The following FRMD6 variants were observed in gnomAD, a reference collection of about 807,000 sequenced individuals.
The protein encoded by FRMD6 is FERM domain-containing protein 6.
In FRMD6, 37 loss-of-function variants were observed where a neutral mutation model predicts 73.2. That is an observed-to-expected ratio of 0.51 (90% CI 0.39 to 0.66). The LOEUF (loss-of-function observed/expected upper bound fraction) is 0.66, where lower values mean the gene tolerates loss of function less well. FRMD6 is among the 30% of genes least tolerant of loss of function. The pLI, the probability that FRMD6 is intolerant of heterozygous loss-of-function variation, is 0.00. For missense variants in FRMD6, 714 were observed against 780.5 expected (o/e 0.91, Z 1.02); for synonymous variants, 273 against 282.2 (o/e 0.97, Z 0.33).
At chr14:51,657,350 A>G (rs1387692692) in intron 1 of FRMD6, among the ~76,000 whole-genome samples, 3 of 152,234 alleles carry the variant, frequency 2.0e-5, no homozygotes, top group Non-Finnish European at 4.4e-5. Flanking sequence ...ATCAAGAAGC[A>G]GAACATTACC....
In FRMD6 at chr14:51,511,412, A is replaced by T. The variant is rs531120574; in HGVS notation, c.-210+21992A>T. ...ATTCAGGGCAAAGTGATGTATTAGG[A>T]TAACCCATTTCAAATTGTGGGGGTT... On this transcript the variant is annotated intron_variant, in intron 1 of 14. Transcript: ENST00000356218. Among the ~76,000 whole-genome samples, 26 of 152,366 alleles carry T rather than the reference A, an allele frequency of 1.7e-4. No homozygotes were observed. In the South Asian group the frequency reaches 5.2e-3, roughly 30 times the overall value.
At chr14:51,472,425 T>G in the FRMD6 span, among the ~76,000 whole-genome samples, 4 of 152,126 alleles carry the variant, frequency 2.6e-5, no homozygotes, top group African/African-American at 9.7e-5. Context: ...TGCTTCAGCC[T>G]CCCGAGTGGC....
chr14:51,529,073 G>T (rs1416562547), intron 1 of FRMD6, among the ~76,000 whole-genome samples: 2 of 152,200 alleles, frequency 1.3e-5, no homozygotes, highest in Non-Finnish European at 2.9e-5. Context: ...TGAATAGTTG[G>T]TCTTGGGGGA....
intron 2 of FRMD6, among the ~76,000 whole-genome samples, chr14:51,596,768 G>A (rs116882716): frequency 6.6e-6 from 1 of 152,182 alleles, no homozygotes; most frequent in Non-Finnish European, 1.5e-5. Flanking sequence ...AAAGTTCATG[G>A]GCCCAGAAAG....
At chr14:51,685,947 T>G (rs1351064176) in intron 1 of FRMD6, among the ~76,000 whole-genome samples, 1 of 152,184 alleles carries the variant, frequency 6.6e-6, no homozygotes, top group African/African-American at 2.4e-5. Flanking sequence ...CCAAGATAAA[T>G]TTTTGCCTTG....
chr14:51,593,680 G>A (rs1007606232), intron 2 of FRMD6, among the ~76,000 whole-genome samples: 1 of 152,154 alleles, frequency 6.6e-6, no homozygotes, highest in Non-Finnish European at 1.5e-5. Context: ...TTTTGATTCT[G>A]TCTTCTCTGC....
At chr14:51,621,453 G>T (rs1890923223) in intron 2 of FRMD6, among the ~76,000 whole-genome samples, 1 of 152,188 alleles carries the variant, frequency 6.6e-6, no homozygotes, top group Admixed American at 6.5e-5. Context: ...ATCACATTCA[G>T]ATGCAATCAG....
intron 1 of FRMD6, among the ~76,000 whole-genome samples, chr14:51,688,326 A>G (rs1895316001): frequency 6.6e-6 from 1 of 152,178 alleles, no homozygotes; most frequent in Non-Finnish European, 1.5e-5. Flanking sequence ...CCTAATAATG[A>G]AGTACCGTAT....
At chr14:51,611,960 C>A (rs1733699371) in intron 2 of FRMD6, among the ~76,000 whole-genome samples, 1 of 151,718 alleles carries the variant, frequency 6.6e-6, no homozygotes, top group Non-Finnish European at 1.5e-5. Flanking sequence ...TATATGATCA[C>A]AAATATGTCA....
At chr14:51,613,928 TTAA>T (rs1391667292) in intron 2 of FRMD6, among the ~76,000 whole-genome samples, 2 of 152,132 alleles carry the variant, frequency 1.3e-5, no homozygotes, top group African/African-American at 2.4e-5. Context: ...ACAATAATTA[TTAA>T]TGATATATTT....
intron 1 of FRMD6, among the ~76,000 whole-genome samples, chr14:51,505,540 C>T (rs1226835851): frequency 1.3e-5 from 2 of 152,042 alleles, no homozygotes; most frequent in Non-Finnish European, 2.9e-5. Context: ...GAGCTTTTGG[C>T]AATCAGTATG....
chr14:51,708,305 C>G (rs45443404), intron 7 of FRMD6, 72 bp downstream of exon 7: 66 of 1,349,818 alleles, frequency 4.9e-5, no homozygotes, highest in Non-Finnish European at 6.6e-5. Context: ...GAAGGAAAAC[C>G]GAAGGATTTC....
At chr14:51,723,813 C>A (rs1273237575) in intron 12 of FRMD6, among the ~76,000 whole-genome samples, 2 of 150,844 alleles carry the variant, frequency 1.3e-5, no homozygotes, top group African/African-American at 4.9e-5. Context: ...TTAAATTATA[C>A]CTTATTCATA....
chr14:51,654,383 C>T (rs539915880), intron 1 of FRMD6, among the ~76,000 whole-genome samples: 126 of 150,866 alleles, frequency 8.4e-4, no homozygotes, highest in Middle Eastern at 3.4e-3. Context: ...GCTTTCTGAA[C>T]TTATGATGTA....
At chr14:51,477,802 C>T in the FRMD6 span, among the ~76,000 whole-genome samples, 5 of 150,220 alleles carry the variant, frequency 3.3e-5, no homozygotes, top group East Asian at 2.0e-4. Context: ...TGCAGTGGCA[C>T]GACCTCAGCT....
At chr14:51,430,611 A>C in the FRMD6 span, among the ~76,000 whole-genome samples, 1 of 151,804 alleles carries the variant, frequency 6.6e-6, no homozygotes, top group African/African-American at 2.4e-5. Flanking sequence ...TAAAAAAAAA[A>C]ACAAAAAACA....
chr14:51,509,821 T>C (rs966820930), intron 1 of FRMD6, among the ~76,000 whole-genome samples: 2 of 152,050 alleles, frequency 1.3e-5, no homozygotes, highest in African/African-American at 4.8e-5. Context: ...AGATGGGATT[T>C]TGCCATGTTG....
intron 1 of FRMD6, among the ~76,000 whole-genome samples, chr14:51,686,106 T>A (rs9323215): frequency 0.39 from 59,479 of 151,896 alleles, 11,787 homozygotes; most frequent in African/African-American, 0.46. Context: ...CTACATTCAA[T>A]ATGAGACTAT....
At chr14:51,651,879 G>T (rs553271582), upstream of FRMD6, 3 of 151,402 alleles carry the variant, frequency 2.0e-5, no homozygotes, top group South Asian at 2.1e-4. Context: ...GACGCGGAGC[G>T]CCCCTCTGGC....
Sources: allele counts gnomAD v4.1 joint callset (sites outside exome capture counted in the v4.1 genomes callset), GRCh38; gene constraint gnomAD v4.1.1; transcripts MANE v1.5; gene names NCBI Gene and HGNC (gene_info 2026-07-23, HGNC 2026-07-21).